The following DLG2 variants were observed in gnomAD, a reference collection of about 807,000 sequenced individuals.
DLG2 encodes disks large homolog 2.
Under a neutral mutation model 132.5 loss-of-function variants are expected in DLG2, and 45 were observed. That is an observed-to-expected ratio of 0.34 (90% CI 0.27 to 0.44). DLG2 has a LOEUF of 0.44. DLG2 is among the 20% of genes least tolerant of loss of function. The pLI is 1.00. For missense variants in DLG2, 1,045 were observed against 1,196.9 expected, an observed-to-expected ratio of 0.87 and a Z score of 1.87; for synonymous variants, 424 against 419.6, an observed-to-expected ratio of 1.01 and a Z score of -0.13.
intron 19 of DLG2, among the ~76,000 whole-genome samples, chr11:83,609,750 A>G (rs867273040): frequency 7.9e-5 from 12 of 152,154 alleles, no homozygotes; most frequent in African/African-American, 2.9e-4. Flanking sequence ...AAGCAAAAAA[A>G]ACCCTGCTGG....
intron 6 of DLG2, among the ~76,000 whole-genome samples, chr11:84,909,442 C>T (rs930025449): frequency 1.3e-5 from 2 of 152,126 alleles, no homozygotes; most frequent in African/African-American, 2.4e-5. Context: ...ATTTGCGTTT[C>T]TAAGTTTCAG....
At chr11:83,596,070 C>T (rs1324758624) in intron 19 of DLG2, among the ~76,000 whole-genome samples, 1 of 152,056 alleles carries the variant, frequency 6.6e-6, no homozygotes, top group Non-Finnish European at 1.5e-5. Context: ...CTTATTTTAA[C>T]CCTAAAATTA....
intron 18 of DLG2, among the ~76,000 whole-genome samples, chr11:83,751,501 A>T (rs536950114): frequency 9.2e-4 from 140 of 152,338 alleles, no homozygotes; most frequent in African/African-American, 2.8e-3. Context: ...GGTGACCATT[A>T]GGAGTCAGTT....
chr11:85,016,627 T>G (rs182277263), intron 6 of DLG2, among the ~76,000 whole-genome samples: 5 of 152,248 alleles, frequency 3.3e-5, no homozygotes, highest in Admixed American at 2.0e-4. Flanking sequence ...ACACACACAC[T>G]AAGAGCAATT....
intron 8 of DLG2, among the ~76,000 whole-genome samples, chr11:84,194,154 C>T (rs2096467307): frequency 6.6e-6 from 1 of 152,198 alleles, no homozygotes; most frequent in Admixed American, 6.5e-5. Flanking sequence ...TAATGCTTCT[C>T]TTCCTCCTAT....
chr11:84,171,776 T>C (rs2095829422), intron 8 of DLG2, among the ~76,000 whole-genome samples: 1 of 152,156 alleles, frequency 6.6e-6, no homozygotes, highest in African/African-American at 2.4e-5. Flanking sequence ...CTCTGCTGAA[T>C]ATATGAAAAT....
At chr11:85,063,354 T>C (rs1157770880) in intron 6 of DLG2, among the ~76,000 whole-genome samples, 2 of 151,838 alleles carry the variant, frequency 1.3e-5, no homozygotes, top group Non-Finnish European at 2.9e-5. Flanking sequence ...CCAAATTCTC[T>C]CATAGTCCAC....
intron 4 of DLG2, among the ~76,000 whole-genome samples, chr11:85,187,875 G>A (rs935546051): frequency 6.6e-6 from 1 of 152,152 alleles, no homozygotes; most frequent in African/African-American, 2.4e-5. Flanking sequence ...ACCTTAGGTT[G>A]TAGTGCTGGT....
At chr11:83,988,397 C>G (rs2093481496) in intron 11 of DLG2, among the ~76,000 whole-genome samples, 1 of 152,038 alleles carries the variant, frequency 6.6e-6, no homozygotes, top group Admixed American at 6.6e-5. Flanking sequence ...TTAGCAGGCT[C>G]TTTTTTGGTT....
At chr11:85,030,711 G>C (rs2060929375) in intron 6 of DLG2, among the ~76,000 whole-genome samples, 1 of 151,706 alleles carries the variant, frequency 6.6e-6, no homozygotes, top group Admixed American at 6.6e-5. Flanking sequence ...TGAAATTTTT[G>C]GTATTATTTA....
At chr11:84,648,757 C>A (rs954435761) in intron 6 of DLG2, among the ~76,000 whole-genome samples, 25 of 147,682 alleles carry the variant, frequency 1.7e-4, no homozygotes, top group Admixed American at 3.3e-4. Flanking sequence ...TTCTCTCTCT[C>A]TCTATATATA....
At chr11:84,596,411 C>G (rs533217636) in intron 6 of DLG2, among the ~76,000 whole-genome samples, 24 of 141,350 alleles carry the variant, frequency 1.7e-4, no homozygotes, top group African/African-American at 6.0e-4. Flanking sequence ...GTAGTAGAGA[C>G]GGGGTTTCGA....
chr11:84,720,768 G>A (rs994060938), intron 6 of DLG2: 2 of 152,250 alleles, frequency 1.3e-5, no homozygotes, highest in African/African-American at 4.8e-5. Context: ...GTAAAAGGAT[G>A]TGCCCGCCTA....
intron 6 of DLG2, among the ~76,000 whole-genome samples, chr11:84,926,001 A>G (rs1044708751): frequency 6.6e-6 from 1 of 152,160 alleles, no homozygotes; most frequent in Non-Finnish European, 1.5e-5. Context: ...TGGGTAAATT[A>G]TACACAATGA....
intron 7 of DLG2, among the ~76,000 whole-genome samples, chr11:84,499,704 TTCTC>T (rs1466567922): frequency 6.6e-6 from 1 of 152,158 alleles, no homozygotes; most frequent in East Asian, 1.9e-4. Flanking sequence ...TTTTTCACTG[TTCTC>T]TCTTTCTGTC....
chr11:84,805,870 C>CAATACTTGGTG (rs2075937725), intron 6 of DLG2, among the ~76,000 whole-genome samples: 1 of 152,096 alleles, frequency 6.6e-6, no homozygotes, highest in Non-Finnish European at 1.5e-5. Context: ...ATACAAATGC[C>CAATACTTGGTG]AATACCAAGG....
intron 19 of DLG2, among the ~76,000 whole-genome samples, chr11:83,586,687 G>C: frequency 6.6e-6 from 1 of 152,162 alleles, no homozygotes; most frequent in East Asian, 1.9e-4. Flanking sequence ...CTATAGGGTA[G>C]ATACTATTTT....
intron 6 of DLG2, among the ~76,000 whole-genome samples, chr11:84,666,717 T>C (rs1436018788): frequency 2.0e-5 from 3 of 152,012 alleles, no homozygotes; most frequent in African/African-American, 4.8e-5. Context: ...TTTACAAATA[T>C]ATATTTATAT....
intron 6 of DLG2, chr11:85,021,395 C>G: frequency 7.3e-7 from 1 of 1,361,098 alleles, no homozygotes; most frequent in South Asian, 1.2e-5. Context: ...ACTTTTGGCA[C>G]TGGAGCCAGG....
Sources: allele counts gnomAD v4.1 joint callset (sites outside exome capture counted in the v4.1 genomes callset), GRCh38; gene constraint gnomAD v4.1.1; transcripts MANE v1.5; gene names NCBI Gene and HGNC (gene_info 2026-07-23, HGNC 2026-07-21).